UFD1: variants seen among roughly 807,000 people sequenced by gnomAD.
UFD1 encodes the protein ubiquitin recognition factor in ER associated degradation 1.
In UFD1, 13 loss-of-function variants were observed where a neutral mutation model predicts 45.9. The observed-to-expected ratio is 0.28, with a 90% confidence interval of 0.18 to 0.45. The LOEUF is 0.45. Ranked by LOEUF, UFD1 falls within the 20% of genes least tolerant of loss-of-function variation. UFD1 has a pLI of 1.00. For synonymous variants in UFD1, 128 were observed against 139.2 expected (o/e 0.92, Z 0.56); for missense variants, 218 against 389.2 (o/e 0.56, Z 3.70).
rs1271035965 is a variant in UFD1, at chr22:19,450,468, CT to C, written c.*201del. 10 of 641,778 alleles carry C rather than the reference CT, an allele frequency of 1.6e-5. No individual in the cohort carries two copies. The highest frequency in any genetic ancestry group is 2.6e-5 in the Non-Finnish European group (10 of 389,034). 39.8% of individuals were successfully genotyped at this position (641,778 alleles called of 1,614,324 possible). ...CAGGCCCTCAGGGACAGCTCTTTGT[CT>C]TTCCCCAAATCAAGCATACAACTAC... On this transcript the variant is annotated 3_prime_UTR_variant, in exon 12 of 12. Coordinates refer to ENST00000263202, the MANE Select transcript of UFD1 (RefSeq NM_005659.7).
intron 1 of UFD1, 57 bp downstream of exon 1, chr22:19,479,026 C>T: frequency 6.4e-7 from 1 of 1,570,514 alleles, no homozygotes; most frequent in South Asian, 1.1e-5. Flanking sequence ...CCCGCCGGGC[C>T]CTACCTCAGG....
rs1298667376 is a variant in UFD1 at position 19,479,098 on chromosome 22, C to G, written c.-13G>C. On this transcript the variant is annotated 5_prime_UTR_variant, in exon 1 of 12. Transcript: ENST00000263202. ...CAGCGCTTACCATGATGGACACCAC[C>G]TGGCAGACTCCGCTCCTCTCAGGCA... is the stretch of plus-strand genomic sequence containing the variant. 2 of 1,611,506 alleles carry G rather than the reference C, an allele frequency of 1.2e-6. No homozygotes were observed. The highest frequency in any genetic ancestry group is 2.7e-5 in the African/African-American group (2 of 74,884).
At chr22:19,476,609 A>G (rs1380755506) in intron 1 of UFD1, among the ~76,000 whole-genome samples, 1 of 130,488 alleles carries the variant, frequency 7.7e-6, no homozygotes, top group Non-Finnish European at 1.6e-5. Context: ...ATACATTCCA[A>G]CATCCCCAGT....
At chr22:19,464,155 T>G (rs1437315213) in intron 6 of UFD1, among the ~76,000 whole-genome samples, 1 of 152,216 alleles carries the variant, frequency 6.6e-6, no homozygotes, top group Non-Finnish European at 1.5e-5. Flanking sequence ...ATGAGGAAAC[T>G]GCCAGAGAAT....
At chr22:19,451,251 A>G in intron 11 of UFD1, 1 of 986,028 alleles carries the variant, frequency 1.0e-6, no homozygotes, top group Non-Finnish European at 1.2e-6. Context: ...CTTCCTGTCT[A>G]GTATACTCCC....
chr22:19,471,353 C>G (rs989101433), intron 4 of UFD1: 2 of 582,692 alleles, frequency 3.4e-6, no homozygotes, highest in African/African-American at 3.7e-5. Flanking sequence ...CCTCAAACAC[C>G]CTACTTACTA....
rs866032909 is a variant in UFD1, at chr22:19,456,699, C to A, written c.631-65G>T. 4 of 1,613,546 alleles carry A rather than the reference C, an allele frequency of 2.5e-6. No homozygotes were observed. The East Asian group carries it at 6.7e-5, about 27-fold the overall frequency. On this transcript the variant is annotated intron_variant, in intron 8 of 11. Coordinates refer to ENST00000263202, the MANE Select transcript of UFD1 (RefSeq NM_005659.7). ...GGACACCCAGCTTCCCTCTCACCCC[C>A]ACCCCCGGCTAGGATGTCCCCCGGA...
At position 19,451,289 on chromosome 22, in the gene UFD1, AAG is replaced by A; in HGVS notation, c.850-547_850-546del. The A allele has an allele frequency of 3.0e-6, 3 of 985,594 alleles. No homozygotes were observed. The South Asian group carries it at 1.4e-4, about 46-fold the overall frequency. The allele number at this position is 985,594 out of a possible 1,614,324, so 61.1% of individuals were successfully genotyped here. A position where few individuals can be genotyped will look rare whatever the true frequency, so the allele number is the denominator to read the frequency against. Reference sequence around the variant, plus strand: ...GGCTACAGAACTGAATTCTGTAAAAAAGAATTCCATGATGTAGGAGGGCCAGT... The same window carrying A: ...GGCTACAGAACTGAATTCTGTAAAAAAATTCCATGATGTAGGAGGGCCAGT... On this transcript the variant is annotated intron_variant, in intron 11 of 11. Transcript: ENST00000263202.
chr22:19,456,414 G>T, intron 9 of UFD1, 173 bp downstream of exon 9: 1 of 791,300 alleles, frequency 1.3e-6, no homozygotes, highest in Non-Finnish European at 2.1e-6. Flanking sequence ...AGGAGAGAGT[G>T]GATACAAAAG....
chr22:19,470,709 T>G (rs2089838314), intron 4 of UFD1: 3 of 454,436 alleles, frequency 6.6e-6, no homozygotes, highest in Non-Finnish European at 1.3e-5. Context: ...TCCGAAGTGC[T>G]GGGATTAGAG....
At position 19,479,160 on chromosome 22, in the gene UFD1, CGCCGCT is replaced by C; in HGVS notation, c.-81_-76del. On this transcript the variant is annotated 5_prime_UTR_variant, in exon 1 of 12. Transcript: ENST00000263202. Reference sequence around the variant, plus strand: ...AAACCCCGCCGACCGCTCTCCCAGCCGCCGCTGCCGCTGCCGCCGCGCCAAGCCGGT... The same window carrying C: ...AAACCCCGCCGACCGCTCTCCCAGCCGCCGCTGCCGCCGCGCCAAGCCGGT... 3 of 1,575,226 alleles carry C rather than the reference CGCCGCT, an allele frequency of 1.9e-6. No homozygotes were observed. Among genetic ancestry groups the C allele is most frequent in the Non-Finnish European group, 2.6e-6 (3 of 1,162,520 alleles).
chr22:19,477,882 G>C (rs1428965315), intron 1 of UFD1, among the ~76,000 whole-genome samples: 1 of 152,118 alleles, frequency 6.6e-6, no homozygotes, highest in Non-Finnish European at 1.5e-5. Context: ...TTACTCCCTG[G>C]CACTCTAACA....
intron 1 of UFD1, 189 bp downstream of exon 1, chr22:19,478,894 A>AT: frequency 1.5e-6 from 1 of 682,066 alleles, no homozygotes; most frequent in Non-Finnish European, 2.3e-6. Context: ...GGACCGGCGG[A>AT]CGCGACCACA....
chr22:19,452,499 T>G (rs932246609), intron 11 of UFD1: 2 of 152,166 alleles, frequency 1.3e-5, no homozygotes, highest in African/African-American at 4.8e-5. Flanking sequence ...CTCCACTATC[T>G]TCTAGTTTCC....
chr22:19,476,765 G>T (rs1601905227), intron 1 of UFD1, among the ~76,000 whole-genome samples: 1 of 151,978 alleles, frequency 6.6e-6, no homozygotes, highest in African/African-American at 2.4e-5. Flanking sequence ...CCAGCACTTT[G>T]GGAGGCAGAG....
intron 1 of UFD1, among the ~76,000 whole-genome samples, chr22:19,478,052 T>C (rs2089902021): frequency 6.6e-6 from 1 of 152,202 alleles, no homozygotes; most frequent in African/African-American, 2.4e-5. Context: ...AGCCAACCTA[T>C]GTAAGCCATT....
intron 5 of UFD1, 30 bp from the exon 6 acceptor site, chr22:19,465,304 G>A: frequency 6.3e-7 from 1 of 1,593,696 alleles, no homozygotes; most frequent in Non-Finnish European, 8.6e-7. Flanking sequence ...AGGCAACATG[G>A]CAAGATGGAT....
chr22:19,454,545 G>T, intron 11 of UFD1: 1 of 1,168,960 alleles, frequency 8.6e-7, no homozygotes, highest in Non-Finnish European at 1.1e-6. Flanking sequence ...CCCCTGCCAT[G>T]ATTGTGAGGC....
intron 6 of UFD1, among the ~76,000 whole-genome samples, chr22:19,459,645 AAAC>A (rs1466705579): frequency 6.6e-6 from 1 of 151,906 alleles, no homozygotes; most frequent in African/African-American, 2.4e-5. Context: ...GCAAACAAAC[AAAC>A]TCCAGAAGCA....
Sources: gnomAD v4.1 joint callset for allele counts (sites outside exome capture counted in the v4.1 genomes callset) on GRCh38, gnomAD v4.1.1 for gene constraint, MANE v1.5 for transcripts, NCBI Gene and HGNC (gene_info 2026-07-23, HGNC 2026-07-21) for gene names.